The following STRN3 variants were observed in gnomAD, a reference collection of about 807,000 sequenced individuals.
The protein encoded by STRN3 is striatin-3.
STRN3 carries 29 observed loss-of-function variants against 95.6 expected under a neutral mutation model. The observed-to-expected ratio is 0.30, with a 90% CI of 0.23 to 0.41. STRN3 has a LOEUF of 0.41. Among genes scored for constraint, STRN3 ranks in the 10% least tolerant of loss-of-function variants. The pLI, the probability that STRN3 is intolerant of heterozygous loss-of-function variation, is 1.00. For synonymous variants in STRN3, 331 were observed against 357.6 expected (o/e 0.93, Z 0.84); for missense variants, 890 against 972.1 (o/e 0.92, Z 1.12).
chr14:31,020,462 G>A (rs1352287673), intron 1 of STRN3, among the ~76,000 whole-genome samples: 1 of 151,276 alleles, frequency 6.6e-6, no homozygotes, highest in Non-Finnish European at 1.5e-5. Context: ...TAGCACCACT[G>A]TACTCCAGCC....
chr14:30,951,883 T>C (rs1879657647), intron 3 of STRN3, among the ~76,000 whole-genome samples: 1 of 151,998 alleles, frequency 6.6e-6, no homozygotes, highest in Non-Finnish European at 1.5e-5. Context: ...TTTGGGAGGC[T>C]GAGGTGGGCA....
chr14:30,902,854 G>A (rs1896361952), intron 15 of STRN3, among the ~76,000 whole-genome samples: 1 of 152,034 alleles, frequency 6.6e-6, no homozygotes, highest in Non-Finnish European at 1.5e-5. Context: ...ACTGTACTAG[G>A]CTCAAATTTA....
intron 1 of STRN3, among the ~76,000 whole-genome samples, chr14:30,967,912 C>G (rs1040467317): frequency 5.3e-5 from 8 of 152,058 alleles, no homozygotes; most frequent in African/African-American, 1.9e-4. Context: ...GACTTCCTCC[C>G]GGGTGACTGG....
intron 1 of STRN3, among the ~76,000 whole-genome samples, chr14:30,976,224 T>A (rs1202378866): frequency 6.6e-6 from 1 of 152,012 alleles, no homozygotes; most frequent in Non-Finnish European, 1.5e-5. Context: ...ATGGGGAGAG[T>A]TATACCATGC....
chr14:31,018,351 T>TGTTGGCATGTAGTGG, intron 1 of STRN3: 1 of 313,890 alleles, frequency 3.2e-6, no homozygotes, highest in Non-Finnish European at 6.1e-6. Context: ...CATCTAGCAG[T>TGTTGGCATGTAGTGG]GTTGGCATGT....
At chr14:30,935,753 T>C (rs994003140) in intron 6 of STRN3, among the ~76,000 whole-genome samples, 2 of 152,144 alleles carry the variant, frequency 1.3e-5, no homozygotes, top group Non-Finnish European at 1.5e-5. Context: ...AACAAAAAAA[T>C]TAAAAGGATC....
intron 1 of STRN3, chr14:31,018,727 G>A (rs926390076): frequency 1.1e-5 from 5 of 464,666 alleles, no homozygotes; most frequent in African/African-American, 6.1e-5. Context: ...CGTAAAATGC[G>A]AAGATGAGGG....
chr14:30,962,383 G>A (rs532054111), intron 1 of STRN3, among the ~76,000 whole-genome samples: 34 of 152,252 alleles, frequency 2.2e-4, no homozygotes, highest in African/African-American at 7.7e-4. Context: ...CATAAATTTA[G>A]TAAAGTCTAA....
At chr14:30,940,832 T>G (rs150825884) in intron 5 of STRN3, among the ~76,000 whole-genome samples, 3 of 152,210 alleles carry the variant, frequency 2.0e-5, no homozygotes, top group Non-Finnish European at 2.9e-5. Flanking sequence ...CTTTGAATTT[T>G]CCTATCTTTT....
At chr14:30,947,915 T>G (rs1879445113) in intron 4 of STRN3, among the ~76,000 whole-genome samples, 2 of 152,156 alleles carry the variant, frequency 1.3e-5, no homozygotes, top group South Asian at 2.1e-4. Flanking sequence ...TGTGACAAAT[T>G]AAAGTATTTA....
intron 1 of STRN3, among the ~76,000 whole-genome samples, chr14:30,958,295 G>C (rs1010573423): frequency 3.9e-5 from 6 of 152,084 alleles, no homozygotes; most frequent in African/African-American, 1.4e-4. Flanking sequence ...TGGGCGACAA[G>C]CAAGACCCTA....
intron 1 of STRN3, among the ~76,000 whole-genome samples, chr14:30,975,600 G>T (rs77264201): frequency 2.0e-5 from 3 of 146,962 alleles, no homozygotes; most frequent in Non-Finnish European, 4.5e-5. Flanking sequence ...GAAAAGAAAA[G>T]AAAAAAGAAA....
At chr14:30,981,576 TCACACACA>T (rs34644271) in intron 1 of STRN3, among the ~76,000 whole-genome samples, 7 of 145,298 alleles carry the variant, frequency 4.8e-5, no homozygotes, top group East Asian at 2.1e-4. Context: ...AGCTTAGAAT[TCACACACA>T]CACACACACA....
chr14:30,958,047 A>G (rs1880007002), intron 1 of STRN3, among the ~76,000 whole-genome samples: 1 of 152,246 alleles, frequency 6.6e-6, no homozygotes, highest in Non-Finnish European at 1.5e-5. Context: ...ACCCTAAAAA[A>G]AGTTTGTATG....
chr14:30,960,737 C>G (rs953560197), intron 1 of STRN3, among the ~76,000 whole-genome samples: 1 of 151,698 alleles, frequency 6.6e-6, no homozygotes, highest in Non-Finnish European at 1.5e-5. Flanking sequence ...GGCGTGGTGG[C>G]GGGCGCCTGT....
intron 1 of STRN3, among the ~76,000 whole-genome samples, chr14:31,010,296 T>C (rs1882910980): frequency 6.6e-6 from 1 of 151,658 alleles, no homozygotes; most frequent in Admixed American, 6.6e-5. Flanking sequence ...TAGTTACATA[T>C]GTATACATGT....
chr14:30,992,114 T>G (rs1594551684), intron 1 of STRN3, among the ~76,000 whole-genome samples: 1 of 151,836 alleles, frequency 6.6e-6, no homozygotes, highest in East Asian at 1.9e-4. Flanking sequence ...AAAGCAATTT[T>G]AAAAAGGCAA....
chr14:30,988,901 T>C (rs1881817051), intron 1 of STRN3, among the ~76,000 whole-genome samples: 1 of 152,192 alleles, frequency 6.6e-6, no homozygotes, highest in Admixed American at 6.5e-5. Context: ...CTTCCAATAA[T>C]GAATTATAAT....
intron 1 of STRN3, among the ~76,000 whole-genome samples, chr14:30,960,686 G>A (rs937047608): frequency 5.3e-5 from 8 of 151,648 alleles, no homozygotes; most frequent in Non-Finnish European, 7.4e-5. Context: ...TGGCTAACAC[G>A]GTGAAACCCC....
Sources: gnomAD v4.1 joint callset for allele counts (sites outside exome capture counted in the v4.1 genomes callset) on GRCh38, gnomAD v4.1.1 for gene constraint, MANE v1.5 for transcripts, NCBI Gene and HGNC (gene_info 2026-07-23, HGNC 2026-07-21) for gene names.